Variants in CCDC7 observed in about 807,000 individuals in gnomAD.
The protein encoded by CCDC7 is coiled-coil domain containing 7, also known as coiled-coil domain-containing protein 7.
Under a neutral mutation model 196.9 loss-of-function variants are expected in CCDC7, and 183 were observed. The ratio of observed to expected loss-of-function variants is 0.93; its 90% CI spans 0.82 to 1.05. CCDC7 has a LOEUF of 1.05. CCDC7 is among the 50% of genes least tolerant of loss of function. CCDC7 has a pLI of 0.00. For synonymous variants in CCDC7, 525 were observed against 484.6 expected (o/e 1.08, Z -1.10); for missense variants, 1,540 against 1,482.2 (o/e 1.04, Z -0.64).
chr10:32,590,572 G>A (rs1351783204), intron 18 of CCDC7, among the ~76,000 whole-genome samples: 1 of 151,990 alleles, frequency 6.6e-6, no homozygotes, highest in East Asian at 1.9e-4. Flanking sequence ...GCTACTACCT[G>A]TGAGTTTTAT....
chr10:32,668,993 C>T (rs2073458581), intron 21 of CCDC7, among the ~76,000 whole-genome samples: 1 of 152,084 alleles, frequency 6.6e-6, no homozygotes, highest in Non-Finnish European at 1.5e-5. Context: ...AAGAAACGCT[C>T]TCAACTTACT....
chr10:32,825,423 A>G (rs1267685061), intron 32 of CCDC7, among the ~76,000 whole-genome samples: 1 of 152,174 alleles, frequency 6.6e-6, no homozygotes, highest in Non-Finnish European at 1.5e-5. Context: ...ACGTGAAAAG[A>G]CTAGACTGGC....
chr10:32,697,611 G>A (rs925322715), intron 24 of CCDC7, among the ~76,000 whole-genome samples: 15 of 152,258 alleles, frequency 9.9e-5, no homozygotes, highest in East Asian at 7.7e-4. Flanking sequence ...AGGTGGCAGC[G>A]AGGATGGGGG....
At chr10:32,563,248 C>T (rs541465360) in intron 13 of CCDC7, among the ~76,000 whole-genome samples, 2 of 152,064 alleles carry the variant, frequency 1.3e-5, no homozygotes, top group Non-Finnish European at 1.5e-5. Context: ...AGATTCAATG[C>T]CATCCCCATC....
intron 32 of CCDC7, among the ~76,000 whole-genome samples, chr10:32,831,515 TAAAAC>T (rs2092166227): frequency 6.6e-6 from 1 of 152,236 alleles, no homozygotes; most frequent in Non-Finnish European, 1.5e-5. Flanking sequence ...ACATTTAACT[TAAAAC>T]ACACATTGTA....
At chr10:32,541,744 C>T (rs1305805939) in intron 11 of CCDC7, among the ~76,000 whole-genome samples, 1 of 152,176 alleles carries the variant, frequency 6.6e-6, no homozygotes, top group East Asian at 1.9e-4. Context: ...ACAAAATGTC[C>T]CAGTGGCTCC....
chr10:32,870,203 G>A (rs532919281), intron 41 of CCDC7, among the ~76,000 whole-genome samples: 17 of 152,124 alleles, frequency 1.1e-4, no homozygotes, highest in Admixed American at 3.9e-4. Flanking sequence ...CCATTTTCAC[G>A]ATTCTATTGA....
At chr10:32,516,043 T>C (rs2046979999) in intron 9 of CCDC7, among the ~76,000 whole-genome samples, 1 of 151,870 alleles carries the variant, frequency 6.6e-6, no homozygotes, top group Non-Finnish European at 1.5e-5. Context: ...AAAACTCTTG[T>C]GCTGCAAATG....
chr10:32,671,002 G>C (rs1451111346), intron 21 of CCDC7, among the ~76,000 whole-genome samples: 1 of 151,990 alleles, frequency 6.6e-6, no homozygotes, highest in Non-Finnish European at 1.5e-5. Flanking sequence ...CATTACAAAA[G>C]AGTAAAAAAG....
chr10:32,880,438 T>C (rs1232142764), downstream of CCDC7, among the ~76,000 whole-genome samples: 3 of 152,210 alleles, frequency 2.0e-5, no homozygotes, highest in East Asian at 1.9e-4. Context: ...AGATTCTTTA[T>C]GTTAGACCTT....
At chr10:32,848,437 A>C (rs867042282) in intron 38 of CCDC7, among the ~76,000 whole-genome samples, 159 bp from the exon 40 acceptor site, 10 of 152,198 alleles carry the variant, frequency 6.6e-5, no homozygotes, top group Middle Eastern at 3.4e-3. Flanking sequence ...AAATGATGAG[A>C]GACTACACAG....
At chr10:32,619,466 G>T (rs1358367083) in intron 18 of CCDC7, among the ~76,000 whole-genome samples, 1 of 151,984 alleles carries the variant, frequency 6.6e-6, no homozygotes, top group Non-Finnish European at 1.5e-5. Context: ...ATCAATATTT[G>T]ATCAAATTAA....
At chr10:32,565,532 C>A in intron 13 of CCDC7, 26 bp from the exon 15 acceptor site, 3 of 1,598,838 alleles carry the variant, frequency 1.9e-6, no homozygotes, top group South Asian at 2.3e-5. Context: ...AAGTAAATAC[C>A]TTTTTTCCCC....
intron 9 of CCDC7, chr10:32,513,704 A>G (rs1439277507): frequency 6.6e-6 from 1 of 152,218 alleles, no homozygotes; most frequent in Non-Finnish European, 1.5e-5. Context: ...AAATGCAGGT[A>G]TCAATTTACA....
chr10:32,701,851 A>C (rs1431789400), intron 24 of CCDC7, among the ~76,000 whole-genome samples: 1 of 151,998 alleles, frequency 6.6e-6, no homozygotes, highest in Admixed American at 6.5e-5. Flanking sequence ...TTTCTGTGGG[A>C]TCGGTGGTGA....
chr10:32,466,737 C>T (rs948568729), intron 5 of CCDC7, among the ~76,000 whole-genome samples: 11 of 152,128 alleles, frequency 7.2e-5, no homozygotes, highest in South Asian at 4.1e-4. Flanking sequence ...TGAACATACA[C>T]ATGTACGTGT....
At chr10:32,444,301 A>C (rs1189484177), upstream of CCDC7, among the ~76,000 whole-genome samples, 1 of 152,260 alleles carries the variant, frequency 6.6e-6, no homozygotes, top group African/African-American at 2.4e-5. Flanking sequence ...TAATCGATTC[A>C]TGTCACAGAC....
At chr10:32,694,809 G>A (rs1591671610) in intron 23 of CCDC7, 70 bp from the exon 25 acceptor site, 2 of 891,274 alleles carry the variant, frequency 2.2e-6, no homozygotes, top group East Asian at 2.8e-5. Flanking sequence ...ACAATTACAA[G>A]TTTGAAATCT....
intron 25 of CCDC7, among the ~76,000 whole-genome samples, chr10:32,723,334 A>G (rs1273600621): frequency 6.6e-6 from 1 of 152,126 alleles, no homozygotes; most frequent in Non-Finnish European, 1.5e-5. Flanking sequence ...TCATCAGTTA[A>G]TATCTGGATT....
Sources: allele counts gnomAD v4.1 joint callset (sites outside exome capture counted in the v4.1 genomes callset), GRCh38; gene constraint gnomAD v4.1.1; transcripts MANE v1.5; gene names NCBI Gene and HGNC (gene_info 2026-07-23, HGNC 2026-07-21).